KIR2DL3: variants seen among roughly 807,000 people sequenced by gnomAD.
KIR2DL3 encodes killer cell immunoglobulin like receptor, two Ig domains and long cytoplasmic tail 3.
A neutral mutation model predicts 33.8 loss-of-function variants in KIR2DL3; 39 were observed. That is an observed-to-expected ratio of 1.15 (90% confidence interval 0.89 to 1.51). The LOEUF is 1.51. KIR2DL3 is among the 40% of genes most tolerant of loss of function. The pLI is 0.00. For synonymous variants in KIR2DL3, 174 were observed against 160.2 expected (o/e 1.09, Z -0.65); for missense variants, 462 against 426.2 (o/e 1.08, Z -0.74).
Position 54,743,965 on chromosome 19 carries a change from T to C in KIR2DL3, c.541T>C (p.Phe181Leu), listed in dbSNP as rs2071721096. ...TGCAGGGCCCAAGGTCAACGGAACA[T>C]TCCAGGCCGACTTTCCTCTGGGCCC... is the stretch of plus-strand genomic sequence containing the variant. ...FSAGPKVNGTFQADFPLGPAT... is the reference protein window; with the variant it reads ...FSAGPKVNGTLQADFPLGPAT... The change falls in exon 4 of 8, where the codon TTC (phenylalanine) becomes CTC (leucine). Residue 181 changes from phenylalanine to leucine, a missense_variant. Transcript: ENST00000342376. 7 of 1,614,196 alleles carry C rather than the reference T, an allele frequency of 4.3e-6. No individual in the cohort carries two copies. The East Asian group carries it at 1.6e-4, about 36-fold the overall frequency.
rs1239118862 is a variant in KIR2DL3, at chr19:54,742,231, C to G, written c.322C>G (p.Pro108Ala). ...YRCYGSVTHS[P>A]YQLSAPSDPL... is the part of the protein sequence containing the mutation. The stretch of plus-strand genomic sequence containing the variant: ...ATGCTACGGTTCTGTTACTCACTCC[C>G]CCTATCAGTTGTCAGCTCCCAGTGA... The change falls in exon 3 of 8, where the codon CCC becomes GCC. Residue 108 changes from proline to alanine, a missense_variant. Physicochemically the swap from Pro to Ala is conservative, Grantham distance 27. Transcript: ENST00000342376. The G allele has an allele frequency of 1.2e-6, 2 of 1,614,162 alleles. No individual in the cohort carries two copies. Among genetic ancestry groups the G allele is most frequent in the African/African-American group, 1.3e-5 (1 of 75,022 alleles).
chr19:54,744,281 C>T (rs1474194677), intron 4 of KIR2DL3, among the ~76,000 whole-genome samples, 193 bp downstream of exon 4: 7 of 152,204 alleles, frequency 4.6e-5, no homozygotes, highest in South Asian at 2.1e-4. Context: ...TGAAGGCCCG[C>T]GGCCAGGGCT....
chr19:54,751,723 C>G lies in KIR2DL3; in HGVS notation c.790C>G (p.Leu264Val). 1 of 1,472,136 alleles carries G rather than the reference C, an allele frequency of 6.8e-7. No homozygotes were observed. The highest frequency in any genetic ancestry group is 9.2e-7 in the Non-Finnish European group (1 of 1,082,084). 91.2% of individuals were successfully genotyped at this position (1,472,136 alleles called of 1,614,324 possible). Residue 264 changes from leucine (L) to valine (V), a missense_variant, in exon 6 of 8, where the codon CTC (leucine) becomes GTC (valine). Transcript: ENST00000342376. Reference sequence around the variant, plus strand: ...CCTCTTCATCCTCCTCCTCTTCTTTCTCCTTCATCGCTGGTGCTGCAACAA... The same window carrying G: ...CCTCTTCATCCTCCTCCTCTTCTTTGTCCTTCATCGCTGGTGCTGCAACAA... ...IILFILLLFF[L>V]LHRWCCNKKN... is the part of the protein sequence containing the mutation.
intron 4 of KIR2DL3, 49 bp downstream of exon 4, chr19:54,744,137 G>C (rs1461215473): frequency 1.2e-6 from 2 of 1,606,622 alleles, no homozygotes; most frequent in Non-Finnish European, 1.7e-6. Flanking sequence ...TAGAGCCTTA[G>C]CTGAGGAGCT....
rs543162087 is a variant in KIR2DL3, at chr19:54,747,371, C to T, written c.701C>T (p.Pro234Leu). ...PSNSWPSPTE[P>L]SSETGNPRHL... Reference sequence around the variant, plus strand: ...AATAGTTGGCCTTCACCCACTGAACCAAGCTCCGAAACCGGTGAGTACAGA... The same window carrying T: ...AATAGTTGGCCTTCACCCACTGAACTAAGCTCCGAAACCGGTGAGTACAGA... The change falls in exon 5 of 8, where the codon CCA becomes CTA. Residue 234 changes from proline to leucine, a missense_variant. Pro to Leu is a moderately conservative substitution (Grantham distance 98, BLOSUM62 -3). Coordinates refer to ENST00000342376, the MANE Select transcript of KIR2DL3 (RefSeq NM_015868.3). The T allele has an allele frequency of 6.2e-7, 1 of 1,611,174 alleles. No individual in the cohort carries two copies. Among genetic ancestry groups the T allele is most frequent in the African/African-American group, 1.3e-5 (1 of 74,528 alleles).
rs1231426201 is a variant in KIR2DL3, at chr19:54,742,263, G to A, written c.354G>A (p.Leu118=). 5 of 1,614,030 alleles carry A rather than the reference G, an allele frequency of 3.1e-6. No homozygotes were observed. The highest frequency in any genetic ancestry group is 3.4e-6 in the Non-Finnish European group (4 of 1,180,036). ...PYQLSAPSDP[L]DIVITGLYEK... is the part of the protein sequence containing the mutation. The stretch of plus-strand genomic sequence containing the variant: ...AGTTGTCAGCTCCCAGTGACCCTCT[G>A]GACATCGTCATCACAGGTGAGAGTG... Residue 118 remains leucine, a synonymous_variant, in exon 3 of 8, where the codon CTG becomes CTA. Coordinates refer to ENST00000342376, the MANE Select transcript of KIR2DL3 (RefSeq NM_015868.3).
chr19:54,744,932 ATATATATATATATATATATATATT>A (rs2072122798), intron 4 of KIR2DL3, among the ~76,000 whole-genome samples: 1 of 23,528 alleles, frequency 4.3e-5, no homozygotes, highest in Non-Finnish European at 8.7e-5. Flanking sequence ...ATATATATAT[ATATATATATATATATATATATATT>A]TTTTTTTTTT....
At position 54,747,371 on chromosome 19, in the gene KIR2DL3, C is replaced by G. The variant is rs543162087; in HGVS notation, c.701C>G (p.Pro234Arg). 10 of 1,611,308 alleles carry G rather than the reference C, an allele frequency of 6.2e-6. No individual in the cohort carries two copies. Among genetic ancestry groups the G allele is most frequent in the East Asian group, 2.2e-5 (1 of 44,888 alleles). Reference sequence around the variant, plus strand: ...AATAGTTGGCCTTCACCCACTGAACCAAGCTCCGAAACCGGTGAGTACAGA... The same window carrying G: ...AATAGTTGGCCTTCACCCACTGAACGAAGCTCCGAAACCGGTGAGTACAGA... ...PSNSWPSPTE[P>R]SSETGNPRHL... The change falls in exon 5 of 8, where the codon CCA (proline) becomes CGA (arginine). Residue 234 changes from proline to arginine, a missense_variant. By Grantham distance (103) the Pro-to-Arg change is moderately radical (BLOSUM62 -2). Coordinates refer to ENST00000342376, the MANE Select transcript of KIR2DL3 (RefSeq NM_015868.3).
intron 4 of KIR2DL3, among the ~76,000 whole-genome samples, chr19:54,744,746 C>G (rs200104744): frequency 0.13 from 19,242 of 147,040 alleles, 1 homozygote; most frequent in South Asian, 0.2. Context: ...GAGCTGGTCT[C>G]CAACTCCTGA....
rs1397544808 is a variant in KIR2DL3 at position 54,744,094 on chromosome 19, G to A, written c.664+6G>A. 1 of 1,614,122 alleles carries A rather than the reference G, an allele frequency of 6.2e-7. No individual in the cohort carries two copies. Among genetic ancestry groups the A allele is most frequent in the South Asian group, 1.1e-5 (1 of 91,088 alleles). On this transcript the variant is annotated splice_donor_region_variant and intron_variant, in intron 4 of 7. Coordinates refer to ENST00000342376, the MANE Select transcript of KIR2DL3 (RefSeq NM_015868.3). The stretch of plus-strand genomic sequence containing the variant: ...ACTGCTTGTTTCTGTCACAGGTGAG[G>A]AAACCCCATATCTGTCTCATGTCCT...
chr19:54,751,327 G>A (rs1454533097), intron 5 of KIR2DL3, among the ~76,000 whole-genome samples: 2 of 132,136 alleles, frequency 1.5e-5, no homozygotes, highest in Admixed American at 7.8e-5. Flanking sequence ...CCTTGGGACA[G>A]CATTGGTCTG....
intron 3 of KIR2DL3, among the ~76,000 whole-genome samples, chr19:54,743,316 A>G (rs2071545957): frequency 6.6e-6 from 1 of 152,272 alleles, no homozygotes; most frequent in African/African-American, 2.4e-5. Context: ...ATAGAGAGAG[A>G]GATGATACAT....
At chr19:54,750,731 A>G (rs1274837312) in intron 5 of KIR2DL3, among the ~76,000 whole-genome samples, 3 of 139,066 alleles carry the variant, frequency 2.2e-5, no homozygotes, top group Non-Finnish European at 3.2e-5. Context: ...TACATTACAC[A>G]GGCAGGTTCA....
intron 2 of KIR2DL3, among the ~76,000 whole-genome samples, chr19:54,740,874 G>T (rs1255652770): frequency 6.7e-6 from 1 of 149,858 alleles, no homozygotes; most frequent in African/African-American, 2.5e-5. Context: ...GAGGAAGAGG[G>T]GAGTGGGGAT....
Position 54,743,920 on chromosome 19 carries a change from G to A in KIR2DL3, c.496G>A (p.Ala166Thr). 1.9e-6 allele frequency: 3 copies of A among 1,614,108 alleles called. No individual in the cohort carries two copies. Among genetic ancestry groups the A allele is most frequent in the Admixed American group, 3.3e-5 (2 of 60,028 alleles). Residue 166 changes from alanine to threonine, a missense_variant, in exon 4 of 8, where the codon GCC (alanine) becomes ACC (threonine). Physicochemically the swap from Ala to Thr is moderately conservative, Grantham distance 58. Coordinates refer to ENST00000342376, the MANE Select transcript of KIR2DL3 (RefSeq NM_015868.3). ...DMYHLSREGE[A>T]HERRFSAGPK... ...GTACCATCTATCCAGGGAGGGGGAGGCCCATGAACGTAGGTTCTCTGCAGG... is the reference window on the plus strand; with the variant it reads ...GTACCATCTATCCAGGGAGGGGGAGACCCATGAACGTAGGTTCTCTGCAGG...
chr19:54,740,266 C>A (rs1753742295), intron 2 of KIR2DL3, among the ~76,000 whole-genome samples: 2 of 152,018 alleles, frequency 1.3e-5, no homozygotes, highest in South Asian at 4.1e-4. Flanking sequence ...TCCTTCTCCC[C>A]AAGGTGGTCA....
intron 3 of KIR2DL3, 61 bp downstream of exon 3, chr19:54,742,340 G>T (rs1600338910): frequency 6.3e-7 from 1 of 1,596,574 alleles, no homozygotes; most frequent in African/African-American, 1.3e-5. Flanking sequence ...CCACGACTTG[G>T]AACCCCCAGG....
At chr19:54,745,173 C>T (rs1206479903) in intron 4 of KIR2DL3, among the ~76,000 whole-genome samples, 2 of 151,802 alleles carry the variant, frequency 1.3e-5, no homozygotes, top group East Asian at 1.9e-4. Context: ...GTATGTACTA[C>T]ATTCTCTCTA....
intron 5 of KIR2DL3, among the ~76,000 whole-genome samples, chr19:54,749,873 C>T (rs1182432902): frequency 1.2e-5 from 1 of 81,010 alleles, no homozygotes; most frequent in East Asian, 2.4e-4. Flanking sequence ...GCACTCCAGC[C>T]TGGGGGACAC....
Sources: gnomAD v4.1 joint callset for allele counts (sites outside exome capture counted in the v4.1 genomes callset) on GRCh38, gnomAD v4.1.1 for gene constraint, MANE v1.5 for transcripts, NCBI Gene and HGNC (gene_info 2026-07-23, HGNC 2026-07-21) for gene names.